PLLP: variants seen among roughly 807,000 people sequenced by gnomAD.
The protein encoded by PLLP is plasma membrane proteolipid (plasmolipin).
A neutral mutation model predicts 19.7 loss-of-function variants in PLLP; 15 were observed. The observed-to-expected ratio is 0.76, with a 90% CI of 0.51 to 1.17. The LOEUF (loss-of-function observed/expected upper bound fraction) is 1.17. Ranked by LOEUF, PLLP falls within the 50% of genes most tolerant of loss-of-function variation. The pLI is 0.00. For synonymous variants in PLLP, 111 were observed against 116.3 expected, an observed-to-expected ratio of 0.95 and a Z score of 0.29; for missense variants, 255 against 258.3, an observed-to-expected ratio of 0.99 and a Z score of 0.09.
chr16:57,284,557 T>C lies in PLLP; in HGVS notation c.-17A>G, dbSNP rs1901262141. The C allele has an allele frequency of 7.5e-7, 1 of 1,336,368 alleles. No individual in the cohort carries two copies. The allele number at this position is 1,336,368 out of a possible 1,614,324, so 82.8% of individuals were successfully genotyped here. A position where few individuals can be genotyped will look rare whatever the true frequency, so the allele number is the denominator to read the frequency against. On this transcript the variant is annotated 5_prime_UTR_variant, in exon 1 of 4. Transcript: ENST00000219207. ...CTCGGCCATGGCGGCTCCGCTTGCC[T>C]CCCGAGGTCGCTACGGCCGCCGTCG...
At position 57,266,090 on chromosome 16, in the gene PLLP, T is replaced by G. The variant is rs1451411081; in HGVS notation, c.136-4020A>C. On this transcript the variant is annotated intron_variant, in intron 1 of 3. Coordinates refer to ENST00000219207, the MANE Select transcript of PLLP (RefSeq NM_015993.3). ...CCCAGATCCGTGCTTCCTTGGAACC[T>G]GCGCTACTATGAGTTATTTAGTGAA... Among the ~76,000 whole-genome samples, 4 of 152,136 alleles carry G rather than the reference T, an allele frequency of 2.6e-5. No homozygotes were observed. The East Asian group carries it at 5.8e-4, about 22-fold the overall frequency.
chr16:57,264,534 G>T (rs1317048385), intron 1 of PLLP, among the ~76,000 whole-genome samples: 1 of 152,222 alleles, frequency 6.6e-6, no homozygotes, highest in African/African-American at 2.4e-5. Flanking sequence ...CCCTGCACAG[G>T]CACCGTGTAT....
intron 2 of PLLP, among the ~76,000 whole-genome samples, chr16:57,261,066 C>A (rs933717448): frequency 6.6e-6 from 1 of 152,014 alleles, no homozygotes; most frequent in Non-Finnish European, 1.5e-5. Context: ...CGGCTCACTG[C>A]AATCTCCGCC....
rs755081954 is a variant in PLLP at position 57,284,407 on chromosome 16, A to G, written c.134T>C (p.Leu45Pro). Reference protein sequence around the residue: ...SRLGALMLLQLVLGLLVWALI... With the variant: ...SRLGALMLLQPVLGLLVWALI... ...CCGTGGGCCCGCGCGTGCTCTCACCAGCTGCAGCAGCATGAGCGCCCCGAG... is the reference window on the plus strand; with the variant it reads ...CCGTGGGCCCGCGCGTGCTCTCACCGGCTGCAGCAGCATGAGCGCCCCGAG... The change falls in exon 1 of 4, where the codon CTG becomes CCG. Residue 45 changes from leucine to proline, a missense_variant and splice_region_variant. Transcript: ENST00000219207. The G allele has an allele frequency of 7.8e-6, 11 of 1,412,982 alleles. No individual in the cohort carries two copies. The East Asian group carries it at 3.3e-4, about 42-fold the overall frequency. 87.5% of individuals were successfully genotyped at this position (1,412,982 alleles called of 1,614,324 possible).
chr16:57,263,072 G>C lies in PLLP; in HGVS notation c.136-1002C>G, dbSNP rs150228432. On this transcript the variant is annotated intron_variant, in intron 1 of 3. Transcript: ENST00000219207. ...TAAAAGCTGCTGAAAGGAAGATCAA[G>C]TCACCACAGTCCCAGAGGCGGGAAG... Among the ~76,000 whole-genome samples the C allele has an allele frequency of 9.1e-3, 1,393 of 152,298 alleles. 25 individuals are homozygous for C. Among genetic ancestry groups the C allele is most frequent in the African/African-American group, 0.03 (1,245 of 41,544 alleles).
intron 1 of PLLP, among the ~76,000 whole-genome samples, chr16:57,279,852 G>A (rs1009179713): frequency 3.9e-5 from 6 of 152,184 alleles, no homozygotes; most frequent in African/African-American, 1.4e-4. Flanking sequence ...GCTAGGTGAG[G>A]CTTTTGATCT....
Position 57,284,632 on chromosome 16 carries a change from C to T in PLLP, c.-92G>A. On this transcript the variant is annotated 5_prime_UTR_variant, in exon 1 of 4. Transcript: ENST00000219207. ...GCTCCCGCGCCGCTTTTCCCCCAGG[C>T]TCCGGATCCCTGTGTGGCTCCAGGC... The T allele has an allele frequency of 1.7e-6, 2 of 1,195,946 alleles. No individual in the cohort carries two copies. Among genetic ancestry groups the T allele is most frequent in the African/African-American group, 1.6e-5 (1 of 63,860 alleles). 74.1% of individuals were successfully genotyped at this position (1,195,946 alleles called of 1,614,324 possible). A position where few individuals can be genotyped will look rare whatever the true frequency, so the allele number is the denominator to read the frequency against.
chr16:57,259,295 C>T (rs990381899), intron 2 of PLLP, among the ~76,000 whole-genome samples: 8 of 152,258 alleles, frequency 5.3e-5, no homozygotes, highest in African/African-American at 1.7e-4. Context: ...AAGCCCAGGC[C>T]ATCCCTGGTA....
Position 57,284,474 on chromosome 16 carries a change from C to T in PLLP, c.67G>A (p.Val23Met), listed in dbSNP as rs1344154239. 1.4e-6 allele frequency: 2 copies of T among 1,435,994 alleles called. No homozygotes were observed. Among genetic ancestry groups the T allele is most frequent in the African/African-American group, 1.5e-5 (1 of 67,850 alleles). 89.0% of individuals were successfully genotyped at this position (1,435,994 alleles called of 1,614,324 possible). A position where few individuals can be genotyped will look rare whatever the true frequency, so the allele number is the denominator to read the frequency against. The stretch of plus-strand genomic sequence containing the variant: ...CCCAGGTCCGGGCGCAGCGCCGACA[C>T]CGAGGCTTCGGCGCCCTGCGCAGGA... ...SSPAQGAEASVSALRPDLGFV... is the reference protein window; with the variant it reads ...SSPAQGAEASMSALRPDLGFV... Residue 23 changes from valine (V) to methionine (M), a missense_variant, in exon 1 of 4, where the codon GTG (valine) becomes ATG (methionine). Val to Met is a conservative substitution (Grantham distance 21). Transcript: ENST00000219207.
intron 3 of PLLP, 33 bp downstream of exon 3, chr16:57,258,429 A>G: frequency 1.2e-6 from 2 of 1,602,354 alleles, no homozygotes; most frequent in East Asian, 2.2e-5. Context: ...GAGACCCTGC[A>G]GACCACCAAG....
chr16:57,262,220 A>C, intron 1 of PLLP, 150 bp from the exon 2 acceptor site: 1 of 716,928 alleles, frequency 1.4e-6, no homozygotes, highest in Non-Finnish European at 2.3e-6. Context: ...CCAGGAGTTC[A>C]AGACCAGCCT....
rs576006941 is a variant in PLLP, at chr16:57,278,168, C to G, written c.135+6238G>C. Among the ~76,000 whole-genome samples, 173 of 152,164 alleles carry G rather than the reference C, an allele frequency of 1.1e-3. 1 individual carries two copies. Among genetic ancestry groups the G allele is most frequent in the Non-Finnish European group, 8.4e-4 (57 of 68,010 alleles). On this transcript the variant is annotated intron_variant, in intron 1 of 3. Coordinates refer to ENST00000219207, the MANE Select transcript of PLLP (RefSeq NM_015993.3). Reference sequence around the variant, plus strand: ...CAGCCTGGCCAACATGGTGAAGCCCCGTCTCTACTAAAAATACAATAATGA... The same window carrying G: ...CAGCCTGGCCAACATGGTGAAGCCCGGTCTCTACTAAAAATACAATAATGA...
At chr16:57,266,429 G>C (rs12927667) in intron 1 of PLLP, among the ~76,000 whole-genome samples, 5,589 of 152,266 alleles carry the variant, frequency 0.037, 105 homozygotes, top group Non-Finnish European at 0.045. Context: ...TGAGCCCCCA[G>C]CCCAGTCCCC....
chr16:57,275,814 G>A (rs1013943623), intron 1 of PLLP, among the ~76,000 whole-genome samples: 7 of 152,146 alleles, frequency 4.6e-5, no homozygotes, highest in African/African-American at 9.7e-5. Context: ...AAATACAAAC[G>A]GCTCTTAAAC....
Position 57,271,124 on chromosome 16 carries a change from T to C in PLLP, c.136-9054A>G, listed in dbSNP as rs530798665. Among the ~76,000 whole-genome samples, 9 of 152,256 alleles carry C rather than the reference T, an allele frequency of 5.9e-5. No homozygotes were observed. In the South Asian group the frequency reaches 1.9e-3, roughly 32 times the overall value. ...CCAAGGCGTTCATTGTATCGCTTGT[T>C]ATTCCTGAGTCCTGGGTCTCAGAGC... On this transcript the variant is annotated intron_variant, in intron 1 of 3. Transcript: ENST00000219207.
chr16:57,264,961 C>A (rs1029204354), intron 1 of PLLP, among the ~76,000 whole-genome samples: 1 of 152,246 alleles, frequency 6.6e-6, no homozygotes, highest in South Asian at 2.1e-4. Flanking sequence ...TTGCCTCCCC[C>A]CAACCCAAGT....
At chr16:57,276,574 A>G (rs1218433952) in intron 1 of PLLP, among the ~76,000 whole-genome samples, 4 of 146,242 alleles carry the variant, frequency 2.7e-5, no homozygotes, top group African/African-American at 1.0e-4. Flanking sequence ...GCTGGGTGAC[A>G]GAGTGAGACT....
chr16:57,269,224 G>A (rs1434385642), intron 1 of PLLP, among the ~76,000 whole-genome samples: 2 of 152,190 alleles, frequency 1.3e-5, no homozygotes, highest in South Asian at 2.1e-4. Context: ...CCTCCTCCAG[G>A]GGCCCCAAAG....
chr16:57,267,004 TG>T (rs2075459727), intron 1 of PLLP, among the ~76,000 whole-genome samples: 1 of 151,914 alleles, frequency 6.6e-6, no homozygotes, highest in South Asian at 2.1e-4. Flanking sequence ...AACGAAGAGA[TG>T]TTTTTGTTAA....
Sources: gnomAD v4.1 joint callset for allele counts (sites outside exome capture counted in the v4.1 genomes callset) on GRCh38, gnomAD v4.1.1 for gene constraint, MANE v1.5 for transcripts, NCBI Gene and HGNC (gene_info 2026-07-23, HGNC 2026-07-21) for gene names.